The following MPP7 variants were observed in gnomAD, a reference collection of about 807,000 sequenced individuals.
The protein encoded by MPP7 is MAGUK p55 subfamily member 7.
MPP7 carries 60 observed loss-of-function variants against 76.5 expected under a neutral mutation model. That is an observed-to-expected ratio of 0.78 (90% CI 0.64 to 0.97). The LOEUF is 0.97. Among genes scored for constraint, MPP7 ranks in the 50% least tolerant of loss-of-function variants. The probability of loss-of-function intolerance (pLI) is 0.00; values close to 1 mark genes in which losing one functional copy is unlikely to be tolerated. For synonymous variants in MPP7, 237 were observed against 244.5 expected (o/e 0.97, Z 0.29); for missense variants, 641 against 694.0 (o/e 0.92, Z 0.86).
rs551037781 is a variant in MPP7, at chr10:28,265,334, G to T, written c.-131-26599C>A. Among the ~76,000 whole-genome samples the T allele has an allele frequency of 2.6e-5, 4 of 152,294 alleles. No homozygotes were observed. In the South Asian group the frequency reaches 8.3e-4, roughly 32 times the overall value. On this transcript the variant is annotated intron_variant, in intron 1 of 16. Transcript: ENST00000683449. ...AACACTTTGGGAGGCCAAGGCGGGG[G>T]GACTGCTTGAGCTCAGGAGTTCGAG...
intron 11 of MPP7, among the ~76,000 whole-genome samples, chr10:28,096,444 A>T (rs1268904356): frequency 6.6e-6 from 1 of 152,066 alleles, no homozygotes; most frequent in African/African-American, 2.4e-5. Flanking sequence ...TGCATTTCTT[A>T]CTTCTGTAAA....
intron 3 of MPP7, among the ~76,000 whole-genome samples, chr10:28,179,370 T>A (rs1836984399): frequency 6.6e-6 from 1 of 152,198 alleles, no homozygotes; most frequent in Non-Finnish European, 1.5e-5. Flanking sequence ...TGAGTGTTGA[T>A]TCCAAGAGTC....
chr10:28,098,578 CAT>C (rs1853674326), intron 11 of MPP7, among the ~76,000 whole-genome samples: 1 of 151,124 alleles, frequency 6.6e-6, no homozygotes, highest in Non-Finnish European at 1.5e-5. Context: ...AAAAAGAAAA[CAT>C]AAAAATATAT....
At chr10:28,316,377 G>A (rs1834320587) in intron 2 of MPP7, among the ~76,000 whole-genome samples, 2 of 135,130 alleles carry the variant, frequency 1.5e-5, no homozygotes, top group Non-Finnish European at 1.5e-5. Context: ...AGAACCTGCA[G>A]TGAGCTGAGA....
At chr10:28,265,198 C>T (rs932024883) in intron 1 of MPP7, among the ~76,000 whole-genome samples, 26 of 152,058 alleles carry the variant, frequency 1.7e-4, no homozygotes, top group Admixed American at 3.3e-4. Flanking sequence ...GTTAAAGATG[C>T]AAAAACGAGA....
chr10:28,222,274 G>A (rs914831518), intron 2 of MPP7, among the ~76,000 whole-genome samples: 1 of 151,862 alleles, frequency 6.6e-6, no homozygotes, highest in African/African-American at 2.4e-5. Context: ...TGATGCAGGA[G>A]GGCCACTTGA....
At chr10:28,224,151 C>T (rs1838611613) in intron 2 of MPP7, among the ~76,000 whole-genome samples, 1 of 151,974 alleles carries the variant, frequency 6.6e-6, no homozygotes, top group Admixed American at 6.6e-5. Flanking sequence ...TGCCACTGCA[C>T]TCCAGCCTGG....
intron 1 of MPP7, among the ~76,000 whole-genome samples, chr10:28,268,814 G>A (rs1273560194): frequency 6.6e-6 from 1 of 151,484 alleles, no homozygotes; most frequent in Non-Finnish European, 1.5e-5. Flanking sequence ...AGCTACTCGG[G>A]AGGCTGAGGC....
intron 2 of MPP7, among the ~76,000 whole-genome samples, chr10:28,203,506 A>C (rs1248593474): frequency 6.6e-6 from 1 of 151,630 alleles, no homozygotes; most frequent in African/African-American, 2.4e-5. Context: ...TAAAAAAAAA[A>C]AAAAAAAAAA....
chr10:28,150,949 T>C (rs1311554738), intron 3 of MPP7, among the ~76,000 whole-genome samples: 1 of 152,146 alleles, frequency 6.6e-6, no homozygotes, highest in Non-Finnish European at 1.5e-5. Context: ...CTTGTGTAGG[T>C]GTCCTTTCAT....
At chr10:28,089,634 C>G in intron 12 of MPP7, 37 bp downstream of exon 12, 1 of 1,578,212 alleles carries the variant, frequency 6.3e-7, no homozygotes, top group East Asian at 2.2e-5. Flanking sequence ...CTAGCTCACT[C>G]ATTTCCTCAG....
chr10:28,321,101 T>C (rs967988921), intron 2 of MPP7, among the ~76,000 whole-genome samples: 5 of 152,130 alleles, frequency 3.3e-5, no homozygotes, highest in African/African-American at 9.7e-5. Flanking sequence ...TCTAAAAGGT[T>C]TGAAACCTTA....
chr10:28,143,476 T>C lies in MPP7; in HGVS notation c.315+4007A>G, dbSNP rs1002273472. Among the ~76,000 whole-genome samples the C allele has an allele frequency of 7.2e-5, 11 of 152,212 alleles. No individual in the cohort carries two copies. The Middle Eastern group carries it at 9.5e-3, about 131-fold the overall frequency. ...CACATCTTATTAAGGACAGATATCATAAATCATGTATATTAATAAATGTTC... is the reference window on the plus strand; with the variant it reads ...CACATCTTATTAAGGACAGATATCACAAATCATGTATATTAATAAATGTTC... On this transcript the variant is annotated intron_variant, in intron 5 of 16. Transcript: ENST00000683449.
chr10:28,218,419 A>G (rs992459368), intron 2 of MPP7, among the ~76,000 whole-genome samples: 1 of 152,212 alleles, frequency 6.6e-6, no homozygotes, highest in Non-Finnish European at 1.5e-5. Flanking sequence ...GAAGAAAGAA[A>G]TGCAGCTTTA....
chr10:28,242,605 T>C (rs75478863), intron 1 of MPP7, among the ~76,000 whole-genome samples: 1,822 of 152,340 alleles, frequency 0.012, 38 homozygotes, highest in African/African-American at 0.041. Flanking sequence ...CCAGGACCCT[T>C]CCAGAGGGGT....
At chr10:28,089,874 A>C (rs183891705) in intron 11 of MPP7, 33 bp from the exon 12 acceptor site, 1 of 1,154,130 alleles carries the variant, frequency 8.7e-7, no homozygotes, top group East Asian at 2.6e-5. Context: ...ATTTTTAGTA[A>C]CATCAACCAA....
At chr10:28,329,942 C>T (rs1230714721) in exon 2 of MPP7, 1 of 152,200 alleles carries the variant, frequency 6.6e-6, no homozygotes, top group Non-Finnish European at 1.5e-5. Flanking sequence ...TCTCCCTTCT[C>T]TTTATTGTGA....
rs1377392324 is a variant in MPP7 at position 28,051,286 on chromosome 10, T to C, written c.*2779A>G. 1.3e-5 allele frequency: 2 copies of C among 152,208 alleles called. No homozygotes were observed. Among genetic ancestry groups the C allele is most frequent in the Admixed American group, 1.3e-4 (2 of 15,284 alleles). The allele number at this position is 152,208 out of a possible 1,614,324, so 9.4% of individuals were successfully genotyped here. On this transcript the variant is annotated 3_prime_UTR_variant, in exon 17 of 17. Coordinates refer to ENST00000683449, the MANE Select transcript of MPP7 (RefSeq NM_001318170.2). ...TCTGTATCTTTAGAAAGAACATAGT[T>C]TTGTAAGTCTGAGAAGGTTATGTTT...
chr10:28,262,348 G>A (rs1217096149), intron 1 of MPP7, among the ~76,000 whole-genome samples: 2 of 143,902 alleles, frequency 1.4e-5, no homozygotes, highest in East Asian at 2.1e-4. Context: ...CACCGGCCTC[G>A]GCCTCCCAAA....
Sources: gnomAD v4.1 joint callset for allele counts (sites outside exome capture counted in the v4.1 genomes callset) on GRCh38, gnomAD v4.1.1 for gene constraint, MANE v1.5 for transcripts, NCBI Gene and HGNC (gene_info 2026-07-23, HGNC 2026-07-21) for gene names.